Variants in SRPRB observed in about 807,000 individuals in gnomAD.
The protein encoded by SRPRB is SRP receptor subunit beta.
Under a neutral mutation model 31.9 loss-of-function variants are expected in SRPRB, and 20 were observed. That is an observed-to-expected ratio of 0.63 (90% CI 0.44 to 0.91). The LOEUF (loss-of-function observed/expected upper bound fraction) is 0.91, where lower values mean the gene tolerates loss of function less well. SRPRB is among the 40% of genes least tolerant of loss of function. SRPRB has a pLI of 0.00. For missense variants in SRPRB, 321 were observed against 324.9 expected (o/e 0.99, Z 0.09); for synonymous variants, 146 against 132.8 (o/e 1.10, Z -0.68).
At chr3:133,786,919 C>A (rs1934701980) in intron 1 of SRPRB, 2 of 152,182 alleles carry the variant, frequency 1.3e-5, no homozygotes, top group Admixed American at 1.3e-4. Context: ...TTGTAAATAT[C>A]TTTTTGCTAA....
At chr3:133,807,973 C>A in intron 3 of SRPRB, 150 bp downstream of exon 3, 1 of 615,000 alleles carries the variant, frequency 1.6e-6, no homozygotes, top group Non-Finnish European at 2.9e-6. Context: ...GACAAATTCT[C>A]TTGACAATCT....
At chr3:133,784,508 A>AATG (rs1559882894) in intron 1 of SRPRB, 1 of 151,056 alleles carries the variant, frequency 6.6e-6, no homozygotes, top group Non-Finnish European at 1.5e-5. Flanking sequence ...TAATAATAAT[A>AATG]GGACATAAAT....
chr3:133,790,525 G>A (rs1384544038), intron 1 of SRPRB: 2 of 152,196 alleles, frequency 1.3e-5, no homozygotes, highest in South Asian at 2.1e-4. Flanking sequence ...TATGGAAAAA[G>A]TTTAGATAAT....
At chr3:133,800,385 G>A (rs188337006) in intron 1 of SRPRB, among the ~76,000 whole-genome samples, 3 of 152,332 alleles carry the variant, frequency 2.0e-5, no homozygotes, top group East Asian at 3.9e-4. Flanking sequence ...TAGATATGGT[G>A]CAATCAAGTG....
intron 2 of SRPRB, 28 bp from the exon 3 acceptor site, chr3:133,807,718 A>G (rs748045846): frequency 2.9e-5 from 44 of 1,504,472 alleles, no homozygotes; most frequent in Non-Finnish European, 4.0e-5. Flanking sequence ...TAAAATGTTG[A>G]ATATCACCCA....
rs1191621108 is a variant in SRPRB at position 133,819,896 on chromosome 3, G to C, written c.*130G>C. The C allele has an allele frequency of 1.3e-6, 1 of 764,914 alleles. No homozygotes were observed. Among genetic ancestry groups the C allele is most frequent in the Non-Finnish European group, 2.0e-6 (1 of 491,370 alleles). 47.4% of individuals were successfully genotyped at this position (764,914 alleles called of 1,614,324 possible). A position where few individuals can be genotyped will look rare whatever the true frequency, so the allele number is the denominator to read the frequency against. ...AACATTTCTTTGTTCTGGAAACAAA[G>C]TACTGTTGAAACCAGCTTGGAATTT... is the stretch of plus-strand genomic sequence containing the variant. On this transcript the variant is annotated 3_prime_UTR_variant, in exon 7 of 7. Transcript: ENST00000678299.
downstream of SRPRB, chr3:133,828,113 G>C (rs1352948333): frequency 1.6e-6 from 1 of 637,334 alleles, no homozygotes; most frequent in Non-Finnish European, 2.8e-6. Flanking sequence ...CAGTTCCTCT[G>C]GGGGCTGCTG....
chr3:133,827,750 C>CCA, downstream of SRPRB: 1 of 28,876 alleles, frequency 3.5e-5, no homozygotes. Context: ...GACAACACCC[C>CCA]CCCCCCCCCC....
In SRPRB at chr3:133,789,878, C is replaced by CATTTTTTTTTTTTTTTTTTTTTTTTTTT. The variant is rs1559884865; in HGVS notation, c.-174+5734_-174+5735insATTTTTTTTTTTTTTTTTTTTTTTTTTT. ...AGCCAAAACAAAACGATCTCGTTTG[C>CATTTTTTTTTTTTTTTTTTTTTTTTTTT]GTTTTTTTTTTTTTTTTTTTTTTTT... On this transcript the variant is annotated intron_variant, in intron 1 of 7. Transcript: ENST00000466490. 3.8e-5 allele frequency: 2 copies of CATTTTTTTTTTTTTTTTTTTTTTTTTTT among 52,408 alleles called. 1 individual carries two copies. The highest frequency in any genetic ancestry group is 1.2e-3 in the South Asian group (2 of 1,684). 3.2% of individuals were successfully genotyped at this position (52,408 alleles called of 1,614,324 possible).
At chr3:133,807,133 T>A (rs759505210) in intron 2 of SRPRB, among the ~76,000 whole-genome samples, 16 of 152,246 alleles carry the variant, frequency 1.1e-4, no homozygotes, top group East Asian at 5.8e-4. Flanking sequence ...TTATTTTTAA[T>A]ACATTTAGTA....
chr3:133,806,056 T>A (rs889071094), intron 1 of SRPRB, 54 bp downstream of exon 1: 5 of 1,584,364 alleles, frequency 3.2e-6, no homozygotes, highest in Non-Finnish European at 4.3e-6. Flanking sequence ...GGTCCGGGCT[T>A]TGGCTGCACC....
upstream of SRPRB, among the ~76,000 whole-genome samples, chr3:133,803,126 C>T (rs1935086781): frequency 6.6e-6 from 1 of 152,180 alleles, no homozygotes. Flanking sequence ...CATCCTTTGC[C>T]TAAATACTGC....
At chr3:133,792,888 T>C (rs1934875337) in intron 1 of SRPRB, 1 of 152,102 alleles carries the variant, frequency 6.6e-6, no homozygotes, top group African/African-American at 2.4e-5. Flanking sequence ...AAATTGAACA[T>C]CAAAATAAAA....
In SRPRB at chr3:133,821,064, C is replaced by CA. The variant is rs1329323225; in HGVS notation, c.*1301dup. ...CCTGGCCTTGAGGATCAGGGGGAGT[C>CA]AAAGGATAAAGCATGGGGCTGATGA... On this transcript the variant is annotated 3_prime_UTR_variant, in exon 7 of 7. Transcript: ENST00000678299. The CA allele has an allele frequency of 6.6e-6, 1 of 152,418 alleles. No homozygotes were observed. The highest frequency in any genetic ancestry group is 1.5e-5 in the Non-Finnish European group (1 of 68,262). 9.4% of individuals were successfully genotyped at this position (152,418 alleles called of 1,614,324 possible).
chr3:133,809,678 C>A (rs780722848), intron 3 of SRPRB, among the ~76,000 whole-genome samples: 1 of 152,060 alleles, frequency 6.6e-6, no homozygotes, highest in African/African-American at 2.4e-5. Context: ...GACTGTTGAG[C>A]ACCTAAACTA....
At chr3:133,815,790 T>C in intron 5 of SRPRB, 64 bp downstream of exon 5, 1 of 1,563,494 alleles carries the variant, frequency 6.4e-7, no homozygotes. Flanking sequence ...CTAAGAATTA[T>C]TTCCATTATT....
At chr3:133,827,885 T>G, downstream of SRPRB, 2 of 702,502 alleles carry the variant, frequency 2.8e-6, no homozygotes, top group Non-Finnish European at 5.2e-6. Flanking sequence ...CCCAGGCATG[T>G]GTACTGACTG....
intron 1 of SRPRB, chr3:133,790,251 T>C (rs1934798715): frequency 6.6e-6 from 1 of 152,216 alleles, no homozygotes; most frequent in African/African-American, 2.4e-5. Context: ...GTTTCTAAAA[T>C]TGTGGAATTG....
chr3:133,784,229 AAAGAGAAGTGT>A (rs1319331319), intron 1 of SRPRB: 2 of 152,288 alleles, frequency 1.3e-5, no homozygotes, highest in Non-Finnish European at 2.9e-5. Flanking sequence ...TGGTGCTGGA[AAAGAGAAGTGT>A]AAGAATAACT....
Sources: gnomAD v4.1 joint callset for allele counts (sites outside exome capture counted in the v4.1 genomes callset) on GRCh38, gnomAD v4.1.1 for gene constraint, MANE v1.5 for transcripts, NCBI Gene and HGNC (gene_info 2026-07-23, HGNC 2026-07-21) for gene names.